ZNF486: variants seen among roughly 807,000 people sequenced by gnomAD.
ZNF486 encodes the protein zinc finger protein 486, also known as KRAB box only protein 2.
ZNF486 carries 12 observed loss-of-function variants against 12.8 expected under a neutral mutation model. The ratio of observed to expected loss-of-function variants is 0.94; its 90% CI spans 0.60 to 1.52. ZNF486 has a LOEUF of 1.52. ZNF486 is among the 40% of genes most tolerant of loss of function. The pLI is 0.00. For missense variants in ZNF486, 738 were observed against 545.0 expected (o/e 1.35, Z -3.53); for synonymous variants, 231 against 184.9 (o/e 1.25, Z -2.02).
intron 1 of ZNF486, among the ~76,000 whole-genome samples, chr19:20,180,434 T>A (rs782285862): frequency 1.3e-5 from 2 of 152,178 alleles, no homozygotes; most frequent in African/African-American, 4.8e-5. Context: ...AGCAACTGGA[T>A]AAATAATTGA....
At position 20,185,992 on chromosome 19, in the gene ZNF486, A is replaced by T. The variant is rs782148721; in HGVS notation, c.163A>T (p.Ile55Phe). The T allele has an allele frequency of 1.9e-5, 30 of 1,554,674 alleles. No homozygotes were observed. The East Asian group carries it at 6.7e-4, about 35-fold the overall frequency. ...ATTTATTTTTAATGAAACAGGTATT[A>T]TTGTCTCTAAGCCAGACCTGATCAC... is the stretch of plus-strand genomic sequence containing the variant. Reference protein sequence around the residue: ...NYRHLVFLGIIVSKPDLITCL... With the variant: ...NYRHLVFLGIFVSKPDLITCL... The change falls in exon 3 of 4, where the codon ATT becomes TTT. Residue 55 changes from isoleucine to phenylalanine, a missense_variant. Coordinates refer to ENST00000335117, the MANE Select transcript of ZNF486 (RefSeq NM_052852.4).
chr19:20,179,845 G>A (rs1055576342), intron 1 of ZNF486, among the ~76,000 whole-genome samples: 1 of 152,204 alleles, frequency 6.6e-6, no homozygotes, highest in African/African-American at 2.4e-5. Context: ...GAATCTGTAA[G>A]TGTAAATAAT....
At chr19:20,186,109 C>A in intron 3 of ZNF486, 27 bp downstream of exon 3, 1 of 1,534,264 alleles carries the variant, frequency 6.5e-7, no homozygotes, top group South Asian at 1.3e-5. Context: ...ATGAACACAA[C>A]AGACAATGCA....
rs1555718484 is a variant in ZNF486, at chr19:20,198,634, TGCCTCA to T, written c.*538_*543del. On this transcript the variant is annotated 3_prime_UTR_variant, in exon 4 of 4. Transcript: ENST00000335117. Reference sequence around the variant, plus strand: ...GCCTCCTGGGTTCAAGCCATTCTCCTGCCTCAGCCTCCCAAGTAGCTGGGATTACAG... The same window carrying T: ...GCCTCCTGGGTTCAAGCCATTCTCCTGCCTCCCAAGTAGCTGGGATTACAG... 1.3e-5 allele frequency: 2 copies of T among 154,744 alleles called. No individual in the cohort carries two copies. The highest frequency in any genetic ancestry group is 4.8e-5 in the African/African-American group (2 of 41,590). The allele number at this position is 154,744 out of a possible 1,614,324, so 9.6% of individuals were successfully genotyped here.
intron 1 of ZNF486, among the ~76,000 whole-genome samples, chr19:20,179,341 C>G (rs193010361): frequency 6.6e-6 from 1 of 152,312 alleles, no homozygotes; most frequent in Non-Finnish European, 1.5e-5. Flanking sequence ...CACTTTCTGT[C>G]CCTGTCTTGT....
Position 20,175,665 on chromosome 19 carries a change from C to A in ZNF486, c.30+8305C>A, listed in dbSNP as rs552356343. On this transcript the variant is annotated intron_variant, in intron 1 of 3. Coordinates refer to ENST00000335117, the MANE Select transcript of ZNF486 (RefSeq NM_052852.4). ...GGTTGGGGGTAAGGTCAGAGATCAA[C>A]AGGATCCCAAGGCAGAAGAATTTTT... 1.8e-3 allele frequency among the ~76,000 whole-genome samples: 270 copies of A among 152,258 alleles called. 1 individual carries two copies. Among genetic ancestry groups the A allele is most frequent in the Non-Finnish European group, 2.9e-3 (200 of 68,036 alleles).
At chr19:20,186,144 G>C in intron 3 of ZNF486, 62 bp downstream of exon 3, 3 of 1,288,244 alleles carry the variant, frequency 2.3e-6, no homozygotes, top group South Asian at 3.3e-5. Flanking sequence ...AGGTCAAAAA[G>C]AAAGCCAGTC....
At chr19:20,187,094 T>C (rs538195364) in intron 3 of ZNF486, among the ~76,000 whole-genome samples, 14 of 152,070 alleles carry the variant, frequency 9.2e-5, no homozygotes, top group Non-Finnish European at 1.8e-4. Context: ...ATAGTTTTTT[T>C]ATTGTAAAGA....
chr19:20,193,513 T>C (rs1258019538), intron 3 of ZNF486, among the ~76,000 whole-genome samples: 1 of 151,846 alleles, frequency 6.6e-6, no homozygotes, highest in Non-Finnish European at 1.5e-5. Flanking sequence ...ATACAAACAT[T>C]ATCCGGGCAT....
intron 1 of ZNF486, chr19:20,176,628 GC>G: frequency 6.1e-6 from 1 of 164,006 alleles, no homozygotes. Flanking sequence ...CTGGAGACCA[GC>G]CCGGCCAACA....
intron 1 of ZNF486, chr19:20,176,095 C>T (rs1555714720): frequency 1.1e-5 from 2 of 187,252 alleles, no homozygotes; most frequent in Admixed American, 6.1e-5. Context: ...CAGAGGGTCT[C>T]CTCACCTCTC....
Position 20,197,550 on chromosome 19 carries a change from C to A in ZNF486, c.840C>A (p.Thr280=). 6.2e-7 allele frequency: 1 copy of A among 1,613,042 alleles called. No homozygotes were observed. Among genetic ancestry groups the A allele is most frequent in the Non-Finnish European group, 8.5e-7 (1 of 1,179,572 alleles). The part of the protein sequence containing the change: ...ECGKAFMYPY[T]LTTHKIIHTG... The stretch of plus-strand genomic sequence containing the variant: ...GCAAAGCCTTTATGTACCCCTATAC[C>A]CTTACTACACATAAGATAATCCATA... The change falls in exon 4 of 4, where the codon ACC becomes ACA. Residue 280 remains threonine, a synonymous_variant. Coordinates refer to ENST00000335117, the MANE Select transcript of ZNF486 (RefSeq NM_052852.4).
At chr19:20,184,295 T>TA (rs2089817676) in intron 1 of ZNF486, 61 bp from the exon 2 acceptor site, 10 of 1,603,534 alleles carry the variant, frequency 6.2e-6, no homozygotes, top group Non-Finnish European at 7.7e-6. Context: ...CATTTCACCT[T>TA]AAATTAAAAA....
chr19:20,176,714 A>G (rs1393565582), intron 1 of ZNF486: 1 of 154,766 alleles, frequency 6.5e-6, no homozygotes, highest in Non-Finnish European at 1.4e-5. Flanking sequence ...AATCGCAGGC[A>G]CTCGGCAGGC....
At position 20,184,440 on chromosome 19, in the gene ZNF486, A is replaced by C. The variant is rs1555716036; in HGVS notation, c.115A>C (p.Arg39=). 1 of 1,613,524 alleles carries C rather than the reference A, an allele frequency of 6.2e-7. No homozygotes were observed. The highest frequency in any genetic ancestry group is 1.7e-5 in the Admixed American group (1 of 59,972). Residue 39 remains arginine, a synonymous_variant, in exon 2 of 4, where the codon AGG becomes CGG. Transcript: ENST00000335117. ...CLDTAQQNLY[R]DVMLENYRHL... is the part of the protein sequence containing the mutation. ...GGACACTGCACAGCAGAATTTATAT[A>C]GGGATGTGATGTTAGAGAACTACAG...
rs1386764838 is a variant in ZNF486, at chr19:20,184,618, T to C, written c.157+136T>C. The C allele has an allele frequency of 2.9e-6, 3 of 1,038,230 alleles. No homozygotes were observed. In the African/African-American group the frequency reaches 5.0e-5, roughly 17 times the overall value. The allele number at this position is 1,038,230 out of a possible 1,614,324, so 64.3% of individuals were successfully genotyped here. On this transcript the variant is annotated intron_variant, in intron 2 of 3. Transcript: ENST00000335117. The stretch of plus-strand genomic sequence containing the variant: ...CTTTTTCCAGAAAATCTTCAGAATT[T>C]GTTTATTTAGAAAAGAATTTCTTCA...
chr19:20,183,419 G>T (rs1214521972), intron 1 of ZNF486, among the ~76,000 whole-genome samples: 1 of 152,310 alleles, frequency 6.6e-6, no homozygotes, highest in East Asian at 1.9e-4. Flanking sequence ...GCTCTCTTGG[G>T]TGCTAAATGA....
intron 1 of ZNF486, among the ~76,000 whole-genome samples, chr19:20,182,610 AGT>A (rs1477236679): frequency 6.6e-6 from 1 of 152,182 alleles, no homozygotes; most frequent in South Asian, 2.1e-4. Context: ...CAGACAGGTC[AGT>A]GTGGTGCATA....
intron 2 of ZNF486, among the ~76,000 whole-genome samples, chr19:20,185,526 T>C (rs782622706): frequency 2.7e-5 from 4 of 150,698 alleles, no homozygotes; most frequent in Non-Finnish European, 5.9e-5. Flanking sequence ...TTCTCCTGTC[T>C]GAGCCTCCTG....
Sources: allele counts gnomAD v4.1 joint callset (sites outside exome capture counted in the v4.1 genomes callset), GRCh38; gene constraint gnomAD v4.1.1; transcripts MANE v1.5; gene names NCBI Gene and HGNC (gene_info 2026-07-23, HGNC 2026-07-21).